The following PSD3 variants were observed in gnomAD, a reference collection of about 807,000 sequenced individuals.
PSD3 encodes the protein pleckstrin and Sec7 domain containing 3, also known as PH and SEC7 domain-containing protein 3.
Under a neutral mutation model 105.5 loss-of-function variants are expected in PSD3, and 49 were observed. That is an observed-to-expected ratio of 0.46 (90% CI 0.37 to 0.59). PSD3 has a LOEUF of 0.59. PSD3 is among the 20% of genes least tolerant of loss of function. The pLI, the probability that PSD3 is intolerant of heterozygous loss-of-function variation, is 0.00. For synonymous variants in PSD3, 557 were observed against 457.8 expected, an observed-to-expected ratio of 1.22 and a Z score of -2.77; for missense variants, 1,561 against 1,263.8, an observed-to-expected ratio of 1.24 and a Z score of -3.57.
At chr8:18,948,726 T>C (rs1015815304) in intron 1 of PSD3, among the ~76,000 whole-genome samples, 3 of 152,172 alleles carry the variant, frequency 2.0e-5, no homozygotes, top group Non-Finnish European at 2.9e-5. Context: ...GCAAATATCA[T>C]GGTATCTTTG....
intron 12 of PSD3, among the ~76,000 whole-genome samples, chr8:18,577,887 G>C (rs1483848743): frequency 6.6e-6 from 1 of 151,660 alleles, no homozygotes; most frequent in Non-Finnish European, 1.5e-5. Context: ...TTTCCATCTT[G>C]ACCTCTCTCC....
intron 3 of PSD3, among the ~76,000 whole-genome samples, chr8:18,870,762 C>G (rs180873689): frequency 6.6e-6 from 1 of 152,092 alleles, no homozygotes; most frequent in Non-Finnish European, 1.5e-5. Context: ...CAGGGAACAA[C>G]TGAATTATAA....
intron 11 of PSD3, among the ~76,000 whole-genome samples, chr8:18,615,987 G>A (rs1026156447): frequency 1.3e-5 from 2 of 152,088 alleles, no homozygotes; most frequent in African/African-American, 4.8e-5. Flanking sequence ...TGGCTGATGA[G>A]CAGCCTCCAG....
upstream of PSD3, among the ~76,000 whole-genome samples, chr8:19,016,217 A>G (rs917328443): frequency 2.6e-5 from 4 of 152,168 alleles, no homozygotes; most frequent in Admixed American, 2.6e-4. Flanking sequence ...GCCTTGGTAA[A>G]AAAAGAAAGG....
intron 9 of PSD3, among the ~76,000 whole-genome samples, chr8:18,677,899 A>G (rs577568391): frequency 6.6e-6 from 1 of 151,954 alleles, no homozygotes; most frequent in Admixed American, 6.6e-5. Flanking sequence ...AGTCCCAGCT[A>G]CTCGGGAGGC....
intron 2 of PSD3, among the ~76,000 whole-genome samples, chr8:18,915,157 T>C (rs1005411389): frequency 6.6e-6 from 1 of 152,146 alleles, no homozygotes; most frequent in African/African-American, 2.4e-5. Flanking sequence ...AGAATGAAAT[T>C]AAACCCTTAT....
chr8:18,648,933 C>T (rs1808259425), intron 10 of PSD3, among the ~76,000 whole-genome samples: 1 of 152,248 alleles, frequency 6.6e-6, no homozygotes, highest in South Asian at 2.1e-4. Context: ...ATGCAGAATG[C>T]AAGAGTTAAG....
At chr8:19,046,180 C>A (rs139302420) in intron 1 of PSD3, among the ~76,000 whole-genome samples, 1 of 152,074 alleles carries the variant, frequency 6.6e-6, no homozygotes, top group Admixed American at 6.5e-5. Flanking sequence ...GGCCTGATCT[C>A]GGCTCACTGC....
intron 14 of PSD3, among the ~76,000 whole-genome samples, chr8:18,570,613 A>C (rs1304359514): frequency 6.8e-6 from 1 of 146,272 alleles, no homozygotes; most frequent in East Asian, 2.1e-4. Flanking sequence ...AATGAATTCA[A>C]ACAAATTTAC....
At chr8:18,956,886 G>A (rs1823602818) in intron 1 of PSD3, among the ~76,000 whole-genome samples, 1 of 152,152 alleles carries the variant, frequency 6.6e-6, no homozygotes, top group Non-Finnish European at 1.5e-5. Flanking sequence ...CCTGGGTGTT[G>A]CTTTCTCACT....
chr8:18,732,113 G>C (rs536992043), intron 9 of PSD3, among the ~76,000 whole-genome samples: 15 of 152,002 alleles, frequency 9.9e-5, no homozygotes, highest in African/African-American at 3.4e-4. Context: ...AGCATTTCAG[G>C]AGAGTCACCT....
In PSD3 at chr8:18,862,235, C is replaced by T. The variant is rs893501041; in HGVS notation, c.1634+5439G>A. Among the ~76,000 whole-genome samples, 5 of 152,042 alleles carry T rather than the reference C, an allele frequency of 3.3e-5. No individual in the cohort carries two copies. In the East Asian group the frequency reaches 5.8e-4, roughly 18 times the overall value. On this transcript the variant is annotated intron_variant, in intron 4 of 15. Coordinates refer to ENST00000327040, the MANE Select transcript of PSD3 (RefSeq NM_015310.4). ...GATAGGTATTATTCATTTCATTTTACGCTTGCAGAGGGTCCCAGATTTTAT... is the reference window on the plus strand; with the variant it reads ...GATAGGTATTATTCATTTCATTTTATGCTTGCAGAGGGTCCCAGATTTTAT...
chr8:19,001,798 G>C (rs1452397050), intron 1 of PSD3: 4 of 157,668 alleles, frequency 2.5e-5, no homozygotes, highest in Non-Finnish European at 5.7e-5. Flanking sequence ...GATGACCAAA[G>C]AGTATCCAAC....
chr8:18,529,208 A>G lies in PSD3; in HGVS notation c.*6535T>C, dbSNP rs1799538771. On this transcript the variant is annotated 3_prime_UTR_variant, in exon 16 of 16. Coordinates refer to ENST00000327040, the MANE Select transcript of PSD3 (RefSeq NM_015310.4). ...AAAGCCTTCAATTTGGTGGTCCACA[A>G]GAAAGAATGTGATATGGATCCCCTC... 1 of 152,198 alleles carries G rather than the reference A, an allele frequency of 6.6e-6. No homozygotes were observed. Among genetic ancestry groups the G allele is most frequent in the South Asian group, 2.1e-4 (1 of 4,828 alleles). 9.4% of individuals were successfully genotyped at this position (152,198 alleles called of 1,614,324 possible).
intron 9 of PSD3, among the ~76,000 whole-genome samples, chr8:18,718,059 A>G (rs560230638): frequency 6.6e-6 from 1 of 152,282 alleles, no homozygotes; most frequent in East Asian, 1.9e-4. Context: ...TCTTTCTTCA[A>G]GCACATTCGG....
chr8:18,798,313 A>G (rs1320317171), intron 8 of PSD3, among the ~76,000 whole-genome samples: 1 of 152,114 alleles, frequency 6.6e-6, no homozygotes. Context: ...TTTCTAGCTG[A>G]GTATTTTGAG....
chr8:18,956,366 C>T (rs1395839885), intron 1 of PSD3, among the ~76,000 whole-genome samples: 1 of 152,146 alleles, frequency 6.6e-6, no homozygotes, highest in African/African-American at 2.4e-5. Context: ...TGACAGTCTG[C>T]ATTTCTAACA....
At chr8:19,072,699 A>G (rs1829310728) in intron 1 of PSD3, among the ~76,000 whole-genome samples, 1 of 152,200 alleles carries the variant, frequency 6.6e-6, no homozygotes. Context: ...CTAGGGTGAG[A>G]GGCTGTTGAG....
chr8:18,839,745 C>A (rs1032707292), intron 4 of PSD3, among the ~76,000 whole-genome samples: 14 of 152,234 alleles, frequency 9.2e-5, no homozygotes, highest in Admixed American at 9.2e-4. Context: ...GAGTTCTCCT[C>A]CAAGTATCTT....
Sources: gnomAD v4.1 joint callset for allele counts (sites outside exome capture counted in the v4.1 genomes callset) on GRCh38, gnomAD v4.1.1 for gene constraint, MANE v1.5 for transcripts, NCBI Gene and HGNC (gene_info 2026-07-23, HGNC 2026-07-21) for gene names.